The following ZNF516 variants were observed in gnomAD, a reference collection of about 807,000 sequenced individuals.
The protein encoded by ZNF516 is zinc finger protein 516.
ZNF516 carries 19 observed loss-of-function variants against 79.7 expected under a neutral mutation model. That is an observed-to-expected ratio of 0.24 (90% CI 0.17 to 0.35). The LOEUF (loss-of-function observed/expected upper bound fraction) is 0.35. Among genes scored for constraint, ZNF516 ranks in the 10% least tolerant of loss-of-function variants. The pLI is 1.00. For synonymous variants in ZNF516, 877 were observed against 739.5 expected (o/e 1.19, Z -3.02); for missense variants, 1,678 against 1,679.5 (o/e 1.00, Z 0.02).
At chr18:76,383,504 C>T (rs1485970023) in intron 3 of ZNF516, among the ~76,000 whole-genome samples, 1 of 146,548 alleles carries the variant, frequency 6.8e-6, no homozygotes, top group Non-Finnish European at 1.5e-5. Context: ...ACCCTCTTCC[C>T]CACCAGGCAC....
intron 3 of ZNF516, among the ~76,000 whole-genome samples, chr18:76,381,918 G>C (rs1568243803): frequency 6.6e-6 from 1 of 152,198 alleles, no homozygotes; most frequent in Non-Finnish European, 1.5e-5. Context: ...GGTCACCTGA[G>C]GTCAGGAGTT....
At chr18:76,462,060 T>C (rs111426058) in intron 2 of ZNF516, among the ~76,000 whole-genome samples, 31 of 152,322 alleles carry the variant, frequency 2.0e-4, no homozygotes, top group Non-Finnish European at 3.8e-4. Flanking sequence ...TAAATTAATA[T>C]GACATTTTGT....
intron 3 of ZNF516, among the ~76,000 whole-genome samples, chr18:76,439,822 A>G (rs1472323769): frequency 2.0e-5 from 3 of 152,236 alleles, no homozygotes; most frequent in Admixed American, 1.3e-4. Context: ...AAAAGTAGAC[A>G]GAGTATTACT....
At chr18:76,444,134 C>T (rs778880710) in intron 2 of ZNF516, among the ~76,000 whole-genome samples, 1 of 152,232 alleles carries the variant, frequency 6.6e-6, no homozygotes, top group Non-Finnish European at 1.5e-5. Flanking sequence ...AAACAGGAAT[C>T]CCACCTGACA....
chr18:76,386,972 A>T (rs554171591), intron 3 of ZNF516: 1 of 152,326 alleles, frequency 6.6e-6, no homozygotes, highest in African/African-American at 2.4e-5. Context: ...TAACACCCCA[A>T]ATTCTCACTG....
At chr18:76,404,118 T>C (rs1382651517) in intron 3 of ZNF516, among the ~76,000 whole-genome samples, 1 of 152,156 alleles carries the variant, frequency 6.6e-6, no homozygotes, top group African/African-American at 2.4e-5. Context: ...GACTTAGCAG[T>C]CTCCAGTGAC....
intron 2 of ZNF516, 115 bp from the exon 3 acceptor site, chr18:76,443,326 A>C: frequency 2.2e-6 from 1 of 451,252 alleles, no homozygotes. Context: ...CATTAAGAAA[A>C]GCGGCACCAA....
chr18:76,473,962 C>A (rs1457687779), intron 1 of ZNF516, among the ~76,000 whole-genome samples: 1 of 148,136 alleles, frequency 6.8e-6, no homozygotes, highest in African/African-American at 2.5e-5. Context: ...CCCAGGCTGG[C>A]CTCAAACTCC....
intron 2 of ZNF516, among the ~76,000 whole-genome samples, chr18:76,443,664 T>C (rs1017434505): frequency 6.6e-6 from 1 of 152,174 alleles, no homozygotes; most frequent in Non-Finnish European, 1.5e-5. Flanking sequence ...GTGACAACAG[T>C]TGACGGCACT....
chr18:76,405,515 C>T (rs2075292183), intron 3 of ZNF516, among the ~76,000 whole-genome samples: 1 of 152,082 alleles, frequency 6.6e-6, no homozygotes, highest in Admixed American at 6.6e-5. Flanking sequence ...GGCCCCAGCC[C>T]GGGAGGGGCG....
chr18:76,454,163 G>A (rs1187907512), intron 2 of ZNF516, among the ~76,000 whole-genome samples: 1 of 152,214 alleles, frequency 6.6e-6, no homozygotes, highest in Non-Finnish European at 1.5e-5. Flanking sequence ...ACCTTCCGAT[G>A]TAGTGCTGTT....
chr18:76,477,044 C>A (rs75361771), intron 1 of ZNF516, among the ~76,000 whole-genome samples: 2,276 of 152,200 alleles, frequency 0.015, 56 homozygotes, highest in African/African-American at 0.052. Flanking sequence ...CAGAAATATT[C>A]GTTTGCCTAC....
chr18:76,481,428 A>C (rs947473612), intron 1 of ZNF516, among the ~76,000 whole-genome samples: 1 of 152,206 alleles, frequency 6.6e-6, no homozygotes, highest in African/African-American at 2.4e-5. Flanking sequence ...GGTCTCCCAT[A>C]GTGTCATCTC....
chr18:76,364,821 T>TA (rs932312242), intron 6 of ZNF516, among the ~76,000 whole-genome samples: 1 of 152,242 alleles, frequency 6.6e-6, no homozygotes, highest in African/African-American at 2.4e-5. Context: ...CTTTACTGAC[T>TA]AAAACCTTTA....
At position 76,370,547 on chromosome 18, in the gene ZNF516, G is replaced by T; in HGVS notation, c.3413C>A (p.Ser1138Tyr). 1 of 1,608,408 alleles carries T rather than the reference G, an allele frequency of 6.2e-7. No homozygotes were observed. The highest frequency in any genetic ancestry group is 1.1e-5 in the South Asian group (1 of 89,720). Residue 1138 changes from serine (S) to tyrosine (Y), a missense_variant, in exon 6 of 7, where the codon TCC becomes TAC. Ser to Tyr is a moderately radical substitution (Grantham distance 144, BLOSUM62 -2). Coordinates refer to ENST00000443185, the MANE Select transcript of ZNF516 (RefSeq NM_014643.4). ...ACCTACTTGTTTGGGGGCGTCTGCG[G>T]AGGTGGTATGAACTTCAGAACCCCG... is the stretch of plus-strand genomic sequence containing the variant. The part of the protein sequence containing the change: ...GPRGSEVHTT[S>Y]ADAPKQGRDH...
intron 1 of ZNF516, among the ~76,000 whole-genome samples, chr18:76,477,349 C>T (rs1914232960): frequency 6.6e-6 from 1 of 152,156 alleles, no homozygotes; most frequent in African/African-American, 2.4e-5. Context: ...AAGTAATAAA[C>T]TTGCTGCTCT....
intron 3 of ZNF516, among the ~76,000 whole-genome samples, chr18:76,401,210 G>C (rs1355691942): frequency 1.3e-5 from 2 of 150,484 alleles, no homozygotes; most frequent in Non-Finnish European, 2.9e-5. Context: ...CGGCATAAAT[G>C]GGTTAAGTTT....
chr18:76,483,949 G>T (rs1364088750), intron 1 of ZNF516, among the ~76,000 whole-genome samples: 1 of 152,150 alleles, frequency 6.6e-6, no homozygotes, highest in African/African-American at 2.4e-5. Context: ...CATCCCCGTG[G>T]AAAGACGCAA....
chr18:76,485,608 C>T (rs1338742068), intron 1 of ZNF516, among the ~76,000 whole-genome samples: 3 of 152,066 alleles, frequency 2.0e-5, no homozygotes, highest in Non-Finnish European at 4.4e-5. Flanking sequence ...GGTGTCGACT[C>T]GACAGCCATA....
Sources: allele counts gnomAD v4.1 joint callset (sites outside exome capture counted in the v4.1 genomes callset), GRCh38; gene constraint gnomAD v4.1.1; transcripts MANE v1.5; gene names NCBI Gene and HGNC (gene_info 2026-07-23, HGNC 2026-07-21).